The following SLC25A21 variants were observed in gnomAD, a reference collection of about 807,000 sequenced individuals.
The protein encoded by SLC25A21 is solute carrier family 25 member 21.
A neutral mutation model predicts 43.8 loss-of-function variants in SLC25A21; 47 were observed. The ratio of observed to expected loss-of-function variants is 1.07; its 90% confidence interval spans 0.85 to 1.37. SLC25A21 has a LOEUF of 1.37. Ranked by LOEUF, SLC25A21 falls within the 40% of genes most tolerant of loss-of-function variation. The probability of loss-of-function intolerance (pLI) is 0.00; values close to 1 mark genes in which losing one functional copy is unlikely to be tolerated. For synonymous variants in SLC25A21, 131 were observed against 121.3 expected (o/e 1.08, Z -0.52); for missense variants, 352 against 350.2 (o/e 1.00, Z -0.04).
chr14:37,079,755 G>A lies in SLC25A21; in HGVS notation c.70+92526C>T, dbSNP rs1212848069. Among the ~76,000 whole-genome samples the A allele has an allele frequency of 2.6e-5, 4 of 152,128 alleles. No homozygotes were observed. In the East Asian group the frequency reaches 7.7e-4, roughly 29 times the overall value. ...CCTGGAACCTGACAAACATTCAGTT[G>A]GAACATGCCATTATCACTGCCTATC... On this transcript the variant is annotated intron_variant, in intron 1 of 9. Transcript: ENST00000331299.
chr14:37,050,307 CAGTA>C (rs1395530188), intron 1 of SLC25A21, among the ~76,000 whole-genome samples: 1 of 152,188 alleles, frequency 6.6e-6, no homozygotes, highest in African/African-American at 2.4e-5. Context: ...CTATCTAATA[CAGTA>C]AGTAATAGTA....
intron 1 of SLC25A21, among the ~76,000 whole-genome samples, chr14:37,080,513 T>C (rs1020217856): frequency 1.3e-5 from 2 of 152,102 alleles, no homozygotes; most frequent in Non-Finnish European, 2.9e-5. Context: ...GGTGGGAGGA[T>C]CGCCTGAGCC....
chr14:36,825,140 A>ATCTAT (rs1368221764), intron 2 of SLC25A21, among the ~76,000 whole-genome samples: 1 of 152,204 alleles, frequency 6.6e-6, no homozygotes, highest in Non-Finnish European at 1.5e-5. Context: ...GTCTATATTC[A>ATCTAT]TCTATTCCAT....
chr14:36,727,646 C>A (rs1227295593), intron 5 of SLC25A21, among the ~76,000 whole-genome samples: 1 of 151,982 alleles, frequency 6.6e-6, no homozygotes, highest in Non-Finnish European at 1.5e-5. Flanking sequence ...TGAGATCATG[C>A]CACTGCACTC....
intron 6 of SLC25A21, among the ~76,000 whole-genome samples, chr14:36,718,899 G>A (rs1380912422): frequency 2.0e-5 from 3 of 152,138 alleles, no homozygotes; most frequent in Admixed American, 2.0e-4. Context: ...AGAAATGGAG[G>A]TAAAACAGGC....
chr14:36,905,650 C>T, intron 1 of SLC25A21, among the ~76,000 whole-genome samples: 1 of 151,768 alleles, frequency 6.6e-6, no homozygotes, highest in South Asian at 2.1e-4. Context: ...AAATTGGCCT[C>T]CTAGTTTGTT....
chr14:37,092,400 G>A (rs917451259), intron 1 of SLC25A21, among the ~76,000 whole-genome samples: 1 of 152,184 alleles, frequency 6.6e-6, no homozygotes, highest in African/African-American at 2.4e-5. Context: ...ATTTGCTGTA[G>A]TGGACAGTAG....
At chr14:36,722,538 G>A (rs1456831293) in intron 6 of SLC25A21, among the ~76,000 whole-genome samples, 1 of 151,954 alleles carries the variant, frequency 6.6e-6, no homozygotes, top group Admixed American at 6.6e-5. Flanking sequence ...CGGGGCATGG[G>A]GTTCATAGGA....
At chr14:37,150,088 T>C (rs766998018) in intron 1 of SLC25A21, among the ~76,000 whole-genome samples, 49 of 152,188 alleles carry the variant, frequency 3.2e-4, no homozygotes, top group Admixed American at 1.6e-3. Flanking sequence ...CAATTTCTTA[T>C]GTTAAAGGCC....
intron 1 of SLC25A21, among the ~76,000 whole-genome samples, chr14:37,060,379 C>CCAA (rs1555344618): frequency 7.2e-6 from 1 of 138,116 alleles, no homozygotes; most frequent in Non-Finnish European, 1.5e-5. Context: ...ACTCTACTCT[C>CCAA]TAATAATAAT....
intron 1 of SLC25A21, among the ~76,000 whole-genome samples, chr14:37,095,518 G>GACAA (rs1038995194): frequency 6.6e-6 from 1 of 151,796 alleles, no homozygotes; most frequent in East Asian, 1.9e-4. Flanking sequence ...ACTCCATCTC[G>GACAA]ACAAACAAAC....
At chr14:36,840,725 T>C (rs928368759) in intron 2 of SLC25A21, among the ~76,000 whole-genome samples, 3 of 152,242 alleles carry the variant, frequency 2.0e-5, no homozygotes, top group African/African-American at 7.2e-5. Flanking sequence ...ACAAGCTTCT[T>C]AGTCTTTCTA....
rs1245606603 is a variant in SLC25A21 at position 37,041,940 on chromosome 14, GCT to G, written c.70+130339_70+130340del. On this transcript the variant is annotated intron_variant, in intron 1 of 9. Transcript: ENST00000331299. ...AAACTAGATTAACTTGAGGTAAATG[GCT>G]GTAAGGAGGTCAAGAAAGCTCCAAT... 5.1e-3 allele frequency among the ~76,000 whole-genome samples: 781 copies of G among 152,188 alleles called. 3 individuals carry two copies. The highest frequency in any genetic ancestry group is 0.018 in the African/African-American group (739 of 41,506).
At chr14:37,007,162 T>C (rs1247244852) in intron 1 of SLC25A21, among the ~76,000 whole-genome samples, 2 of 152,230 alleles carry the variant, frequency 1.3e-5, no homozygotes, top group Non-Finnish European at 2.9e-5. Flanking sequence ...ACAGAGGAAC[T>C]CTCTGACAGT....
At chr14:36,977,665 T>G (rs955505755) in intron 1 of SLC25A21, among the ~76,000 whole-genome samples, 1 of 152,198 alleles carries the variant, frequency 6.6e-6, no homozygotes, top group African/African-American at 2.4e-5. Flanking sequence ...TAAAAAAGTG[T>G]GTTTTCTTCT....
intron 1 of SLC25A21, among the ~76,000 whole-genome samples, chr14:36,987,868 A>G (rs1355116017): frequency 2.6e-5 from 4 of 152,178 alleles, no homozygotes; most frequent in African/African-American, 9.7e-5. Flanking sequence ...GGTTTCAGAG[A>G]GCTCATTTCA....
intron 1 of SLC25A21, among the ~76,000 whole-genome samples, chr14:37,059,181 A>T (rs8008894): frequency 2.6e-5 from 4 of 152,122 alleles, no homozygotes; most frequent in African/African-American, 9.7e-5. Context: ...GTCCACATTT[A>T]CAGAGTGTTT....
chr14:36,858,427 T>C (rs1054396419), intron 2 of SLC25A21, among the ~76,000 whole-genome samples: 33 of 152,214 alleles, frequency 2.2e-4, no homozygotes, highest in African/African-American at 8.0e-4. Context: ...TGAAACATCA[T>C]AGATTCATGG....
At chr14:36,722,804 C>T (rs1884428748) in intron 6 of SLC25A21, among the ~76,000 whole-genome samples, 1 of 152,088 alleles carries the variant, frequency 6.6e-6, no homozygotes, top group Non-Finnish European at 1.5e-5. Flanking sequence ...TGCTTTATAA[C>T]ATAAATATGC....
Sources: allele counts gnomAD v4.1 joint callset (sites outside exome capture counted in the v4.1 genomes callset), GRCh38; gene constraint gnomAD v4.1.1; transcripts MANE v1.5; gene names NCBI Gene and HGNC (gene_info 2026-07-23, HGNC 2026-07-21).